Variants in BMPR1B observed in about 807,000 individuals in gnomAD.
The protein encoded by BMPR1B is bone morphogenetic protein receptor type 1B.
A neutral mutation model predicts 59.1 loss-of-function variants in BMPR1B; 12 were observed. That is an observed-to-expected ratio of 0.20 (90% confidence interval 0.13 to 0.33). The LOEUF (loss-of-function observed/expected upper bound fraction) is 0.33. Among genes scored for constraint, BMPR1B ranks in the 10% least tolerant of loss-of-function variants. BMPR1B has a pLI of 1.00. For missense variants in BMPR1B, 550 were observed against 610.9 expected (o/e 0.90, Z 1.05); for synonymous variants, 237 against 207.3 (o/e 1.14, Z -1.23).
At chr4:94,910,844 T>A (rs183202618) in intron 2 of BMPR1B, among the ~76,000 whole-genome samples, 2 of 152,058 alleles carry the variant, frequency 1.3e-5, no homozygotes, top group African/African-American at 4.8e-5. Flanking sequence ...CCCAGGAGTT[T>A]GAGGTTATAG....
intron 3 of BMPR1B, among the ~76,000 whole-genome samples, chr4:95,056,606 G>T (rs1240842973): frequency 1.3e-5 from 2 of 152,070 alleles, no homozygotes; most frequent in East Asian, 1.9e-4. Flanking sequence ...TTCCACTCTC[G>T]CTGTGTGCGT....
intron 1 of BMPR1B, among the ~76,000 whole-genome samples, chr4:94,833,744 A>G (rs2148926300): frequency 6.6e-6 from 1 of 152,340 alleles, no homozygotes; most frequent in Middle Eastern, 3.4e-3. Context: ...AGAGCATATT[A>G]TAGACCCAGA....
chr4:95,117,393 G>C (rs910844538), intron 6 of BMPR1B, among the ~76,000 whole-genome samples: 4 of 152,166 alleles, frequency 2.6e-5, no homozygotes, highest in African/African-American at 7.2e-5. Flanking sequence ...AGATGCAGTA[G>C]TTAAGTGCAG....
intron 1 of BMPR1B, among the ~76,000 whole-genome samples, chr4:94,817,326 G>A (rs1455908349): frequency 6.6e-6 from 1 of 152,210 alleles, no homozygotes; most frequent in Non-Finnish European, 1.5e-5. Flanking sequence ...GAAGACAGCA[G>A]TTTAATTCTG....
At chr4:94,824,036 G>A (rs888044513) in intron 1 of BMPR1B, among the ~76,000 whole-genome samples, 10 of 152,282 alleles carry the variant, frequency 6.6e-5, no homozygotes, top group South Asian at 6.2e-4. Flanking sequence ...ATGAGCCACC[G>A]TGCCCAGCCA....
chr4:95,100,313 C>A (rs1431709910), intron 3 of BMPR1B, among the ~76,000 whole-genome samples: 1 of 152,088 alleles, frequency 6.6e-6, no homozygotes, highest in Non-Finnish European at 1.5e-5. Context: ...CCTGCCCTCA[C>A]TCTTAATTTG....
chr4:94,961,367 G>A (rs1339736676), intron 2 of BMPR1B, among the ~76,000 whole-genome samples: 1 of 152,064 alleles, frequency 6.6e-6, no homozygotes, highest in Non-Finnish European at 1.5e-5. Context: ...CCACATGGCC[G>A]GCAAAACCCG....
At chr4:94,784,377 G>A (rs1337989637) in intron 1 of BMPR1B, among the ~76,000 whole-genome samples, 1 of 152,124 alleles carries the variant, frequency 6.6e-6, no homozygotes, top group Admixed American at 6.5e-5. Context: ...ATAGAACTTT[G>A]TAAAATTATC....
intron 1 of BMPR1B, among the ~76,000 whole-genome samples, chr4:94,793,826 G>C (rs1457359660): frequency 7.3e-5 from 11 of 150,430 alleles, no homozygotes; most frequent in East Asian, 2.0e-4. Context: ...CTTTTGAGAA[G>C]TGTCTGTTCA....
intron 9 of BMPR1B, 146 bp downstream of exon 9, chr4:95,130,200 A>G: frequency 1.0e-6 from 1 of 972,566 alleles, no homozygotes; most frequent in South Asian, 1.4e-5. Flanking sequence ...GAACATCATA[A>G]GTTTCTAATG....
At chr4:94,965,383 T>C (rs568312980) in intron 2 of BMPR1B, among the ~76,000 whole-genome samples, 26 of 152,166 alleles carry the variant, frequency 1.7e-4, no homozygotes, top group African/African-American at 6.3e-4. Flanking sequence ...ATAGCAGACA[T>C]TCCACCAAAC....
At chr4:94,894,384 A>G (rs891235414) in intron 2 of BMPR1B, among the ~76,000 whole-genome samples, 16 of 151,808 alleles carry the variant, frequency 1.1e-4, no homozygotes, top group African/African-American at 3.9e-4. Flanking sequence ...AAGCATTTAT[A>G]CCTTCTTTCC....
At chr4:94,892,778 T>G (rs1425003510) in intron 2 of BMPR1B, among the ~76,000 whole-genome samples, 1 of 152,086 alleles carries the variant, frequency 6.6e-6, no homozygotes, top group Non-Finnish European at 1.5e-5. Context: ...AGTAGAGGTG[T>G]AGTTTGTTGA....
At chr4:95,109,838 C>T (rs932048665) in intron 4 of BMPR1B, among the ~76,000 whole-genome samples, 1 of 150,724 alleles carries the variant, frequency 6.6e-6, no homozygotes, top group East Asian at 2.0e-4. Context: ...TTAGGTGTAT[C>T]TCCTAATGCT....
intron 2 of BMPR1B, among the ~76,000 whole-genome samples, chr4:94,910,834 C>T (rs1312963966): frequency 1.3e-5 from 2 of 151,982 alleles, no homozygotes; most frequent in Non-Finnish European, 2.9e-5. Context: ...ATTGCTTGAG[C>T]CCAGGAGTTT....
chr4:95,145,235 G>A (rs1045668532), intron 10 of BMPR1B, among the ~76,000 whole-genome samples: 2 of 152,190 alleles, frequency 1.3e-5, no homozygotes, highest in South Asian at 4.1e-4. Context: ...TGTCTCCTCT[G>A]TATGATTTTA....
chr4:94,778,716 T>C (rs1023525202), intron 1 of BMPR1B, among the ~76,000 whole-genome samples: 12 of 152,202 alleles, frequency 7.9e-5, no homozygotes, highest in African/African-American at 2.7e-4. Context: ...CTTGCTAATA[T>C]CCAGGTTTAA....
At chr4:95,124,610 A>G (rs1261719449) in intron 7 of BMPR1B, among the ~76,000 whole-genome samples, 2 of 151,932 alleles carry the variant, frequency 1.3e-5, no homozygotes, top group African/African-American at 2.4e-5. Context: ...TGTACACCCA[A>G]AATTTACATC....
At chr4:94,807,140 G>A (rs1723635788) in intron 1 of BMPR1B, among the ~76,000 whole-genome samples, 2 of 152,086 alleles carry the variant, frequency 1.3e-5, no homozygotes, top group Non-Finnish European at 2.9e-5. Context: ...TGTCACTCAT[G>A]TTGGAGTGCA....
Sources: gnomAD v4.1 joint callset for allele counts (sites outside exome capture counted in the v4.1 genomes callset) on GRCh38, gnomAD v4.1.1 for gene constraint, MANE v1.5 for transcripts, NCBI Gene and HGNC (gene_info 2026-07-23, HGNC 2026-07-21) for gene names.